Variants in ACER3 observed in about 807,000 individuals in gnomAD.
ACER3 encodes the protein alkCDase 3.
In ACER3, 16 loss-of-function variants were observed where a neutral mutation model predicts 48.9. The ratio of observed to expected loss-of-function variants is 0.33; its 90% CI spans 0.22 to 0.50. ACER3 has a LOEUF of 0.50. Among genes scored for constraint, ACER3 ranks in the 20% least tolerant of loss-of-function variants. ACER3 has a pLI of 0.98. For synonymous variants in ACER3, 109 were observed against 107.8 expected (o/e 1.01, Z -0.07); for missense variants, 227 against 326.0 (o/e 0.70, Z 2.34).
intron 1 of ACER3, among the ~76,000 whole-genome samples, chr11:76,871,608 A>G (rs1945242418): frequency 1.3e-5 from 2 of 152,192 alleles, no homozygotes; most frequent in African/African-American, 2.4e-5. Flanking sequence ...TTAGAGACCA[A>G]GGTTCTTATT....
intron 6 of ACER3, among the ~76,000 whole-genome samples, chr11:76,997,335 T>C (rs1591048687): frequency 6.6e-6 from 1 of 152,172 alleles, no homozygotes; most frequent in Admixed American, 6.5e-5. Context: ...GTTCCTACCA[T>C]AGAGTTATAA....
rs563511917 is a variant in ACER3, at chr11:76,964,119, A to G, written c.267+5088A>G. On this transcript the variant is annotated intron_variant, in intron 3 of 10. Coordinates refer to ENST00000532485, the MANE Select transcript of ACER3 (RefSeq NM_018367.7). ...AAAATCAGGTCACTCCCACCCTAAT[A>G]CTGCACTTTCCCAATGGGCTTAACA... 2.3e-4 allele frequency among the ~76,000 whole-genome samples: 35 copies of G among 151,508 alleles called. No homozygotes were observed. The South Asian group carries it at 5.4e-3, about 23-fold the overall frequency.
intron 7 of ACER3, among the ~76,000 whole-genome samples, chr11:77,003,236 T>G (rs536708879): frequency 1.3e-5 from 2 of 152,230 alleles, no homozygotes; most frequent in Non-Finnish European, 2.9e-5. Flanking sequence ...TTTCTTCCAC[T>G]CTTGTTGAAG....
chr11:76,942,391 G>A (rs146977183), intron 2 of ACER3, among the ~76,000 whole-genome samples: 117 of 151,782 alleles, frequency 7.7e-4, no homozygotes, highest in African/African-American at 2.7e-3. Flanking sequence ...GAGTTTTAAT[G>A]GATTTTTTTT....
At position 77,022,920 on chromosome 11, in the gene ACER3, AAAGAAGC is replaced by A. The variant is rs1949495674; in HGVS notation, c.*2596_*2602del. The A allele has an allele frequency of 2.6e-6, 1 of 384,656 alleles. No individual in the cohort carries two copies. Among genetic ancestry groups the A allele is most frequent in the Non-Finnish European group, 4.6e-6 (1 of 217,870 alleles). 23.8% of individuals were successfully genotyped at this position (384,656 alleles called of 1,614,324 possible). On this transcript the variant is annotated 3_prime_UTR_variant, in exon 11 of 11. Coordinates refer to ENST00000532485, the MANE Select transcript of ACER3 (RefSeq NM_018367.7). ...AAAGAAAAGAAAATATAAGGATGTAAAAGAAGCAATTTGCTTGCACATCTGAATATCC... is the reference window on the plus strand; with the variant it reads ...AAAGAAAAGAAAATATAAGGATGTAAAATTTGCTTGCACATCTGAATATCC...
intron 1 of ACER3, among the ~76,000 whole-genome samples, chr11:76,874,139 G>A (rs755783812): frequency 1.3e-5 from 2 of 152,198 alleles, no homozygotes; most frequent in African/African-American, 2.4e-5. Flanking sequence ...TTTGGGGAAA[G>A]TACATGGTAT....
chr11:76,942,824 T>C (rs1947371859), intron 2 of ACER3, among the ~76,000 whole-genome samples: 2 of 151,964 alleles, frequency 1.3e-5, no homozygotes, highest in Non-Finnish European at 2.9e-5. Context: ...GACTTTGTTT[T>C]GTTGGGAGAT....
At chr11:76,935,364 A>C (rs2134884581) in intron 2 of ACER3, among the ~76,000 whole-genome samples, 1 of 152,328 alleles carries the variant, frequency 6.6e-6, no homozygotes, top group South Asian at 2.1e-4. Context: ...AAATGAAAAA[A>C]GACTTTAATA....
At chr11:76,993,497 T>C (rs557781048) in intron 6 of ACER3, among the ~76,000 whole-genome samples, 1 of 152,334 alleles carries the variant, frequency 6.6e-6, no homozygotes, top group South Asian at 2.1e-4. Flanking sequence ...GATAAATATG[T>C]AAAAGCAGTG....
chr11:76,903,200 G>T (rs1166430087), intron 1 of ACER3, among the ~76,000 whole-genome samples: 5 of 151,864 alleles, frequency 3.3e-5, no homozygotes. Flanking sequence ...CCACATAGAA[G>T]TATACCTGGA....
intron 3 of ACER3, among the ~76,000 whole-genome samples, chr11:76,975,227 A>G (rs996636497): frequency 6.6e-6 from 1 of 152,010 alleles, no homozygotes; most frequent in African/African-American, 2.4e-5. Flanking sequence ...TAGAATGCGA[A>G]CTCCTTGAAG....
At chr11:76,963,334 A>G (rs1004741346) in intron 3 of ACER3, among the ~76,000 whole-genome samples, 3 of 149,210 alleles carry the variant, frequency 2.0e-5, no homozygotes, top group Non-Finnish European at 3.0e-5. Flanking sequence ...TTTCTCAAAC[A>G]CTTACAGACA....
At chr11:76,914,987 A>G (rs1946484976) in intron 1 of ACER3, among the ~76,000 whole-genome samples, 1 of 152,152 alleles carries the variant, frequency 6.6e-6, no homozygotes, top group African/African-American at 2.4e-5. Flanking sequence ...CATAGGTGGG[A>G]ATTGAACTAT....
chr11:76,907,165 A>G (rs1023966795), intron 1 of ACER3, among the ~76,000 whole-genome samples: 6 of 152,292 alleles, frequency 3.9e-5, no homozygotes, highest in Middle Eastern at 3.4e-3. Context: ...CTATCACTTT[A>G]AAGTGAATCC....
rs1420097334 is a variant in ACER3 at position 76,911,959 on chromosome 11, T to G, written c.104-14598T>G. 2.0e-5 allele frequency among the ~76,000 whole-genome samples: 3 copies of G among 152,130 alleles called. No individual in the cohort carries two copies. In the East Asian group the frequency reaches 5.8e-4, roughly 29 times the overall value. On this transcript the variant is annotated intron_variant, in intron 1 of 10. Transcript: ENST00000532485. ...GCTGGGGAGTTTCTCCAAGAGGAGA[T>G]TCTACCCTAGGGAATTCATCCTGTG...
chr11:76,899,309 CCTTT>C (rs573394908), intron 1 of ACER3, among the ~76,000 whole-genome samples: 152 of 152,258 alleles, frequency 1.0e-3, no homozygotes, highest in African/African-American at 3.4e-3. Flanking sequence ...GTTATTTCTT[CCTTT>C]CTTCTACGGA....
chr11:77,025,554 A>ACATGCCAC lies in ACER3; in HGVS notation c.*5242_*5249dup, dbSNP rs1373275356. 2.0e-5 allele frequency: 3 copies of ACATGCCAC among 151,862 alleles called. No homozygotes were observed. Among genetic ancestry groups the ACATGCCAC allele is most frequent in the South Asian group, 4.2e-4 (2 of 4,806 alleles). 9.4% of individuals were successfully genotyped at this position (151,862 alleles called of 1,614,324 possible). On this transcript the variant is annotated 3_prime_UTR_variant, in exon 11 of 11. Transcript: ENST00000532485. ...CTCCCGAGTAGCTGGGACTACAGGC[A>ACATGCCAC]CATGCCACCATGCCACCATGCCTGG...
At chr11:77,009,215 G>T (rs957983137) in intron 7 of ACER3, among the ~76,000 whole-genome samples, 2 of 152,206 alleles carry the variant, frequency 1.3e-5, no homozygotes, top group African/African-American at 4.8e-5. Flanking sequence ...CTTGGCTTCT[G>T]GGGAGGCCTC....
chr11:76,905,115 G>A (rs1187405311), intron 1 of ACER3, among the ~76,000 whole-genome samples: 1 of 152,146 alleles, frequency 6.6e-6, no homozygotes, highest in Non-Finnish European at 1.5e-5. Context: ...GCCTCCCAAA[G>A]TGCCGGGTTT....
Sources: gnomAD v4.1 joint callset for allele counts (sites outside exome capture counted in the v4.1 genomes callset) on GRCh38, gnomAD v4.1.1 for gene constraint, MANE v1.5 for transcripts, NCBI Gene and HGNC (gene_info 2026-07-23, HGNC 2026-07-21) for gene names.